Variants in IGF2R observed in about 807,000 individuals in gnomAD.
The protein encoded by IGF2R is insulin like growth factor 2 receptor.
A neutral mutation model predicts 270.6 loss-of-function variants in IGF2R; 91 were observed. The observed-to-expected ratio is 0.34, with a 90% CI of 0.28 to 0.40. The LOEUF (loss-of-function observed/expected upper bound fraction) is 0.40. Ranked by LOEUF, IGF2R falls within the 10% of genes least tolerant of loss-of-function variation. The probability of loss-of-function intolerance (pLI) is 1.00; values close to 1 mark genes in which losing one functional copy is unlikely to be tolerated. For synonymous variants in IGF2R, 1,316 were observed against 1,258.9 expected, an observed-to-expected ratio of 1.05 and a Z score of -0.96; for missense variants, 2,805 against 3,188.3, an observed-to-expected ratio of 0.88 and a Z score of 2.90.
chr6:160,079,899 A>G, intron 38 of IGF2R, 112 bp downstream of exon 38: 2 of 1,087,180 alleles, frequency 1.8e-6, no homozygotes, highest in South Asian at 3.3e-5. Context: ...TGAGTGCTGT[A>G]ACCTTGGGCG....
intron 39 of IGF2R, 71 bp downstream of exon 39, chr6:160,080,346 G>T: frequency 7.0e-7 from 1 of 1,430,454 alleles, no homozygotes; most frequent in Non-Finnish European, 9.6e-7. Context: ...TTCACACTGA[G>T]ACCTTTGTGG....
chr6:160,008,024 T>TG (rs1173219219), intron 2 of IGF2R, among the ~76,000 whole-genome samples: 1 of 152,176 alleles, frequency 6.6e-6, no homozygotes, highest in Non-Finnish European at 1.5e-5. Flanking sequence ...TAATTATCTT[T>TG]GGCCACCTAA....
rs1205747938 is a variant in IGF2R, at chr6:160,105,810, A to G, written c.*726A>G. 3 of 152,524 alleles carry G rather than the reference A, an allele frequency of 2.0e-5. No homozygotes were observed. Among genetic ancestry groups the G allele is most frequent in the Non-Finnish European group, 2.9e-5 (2 of 68,060 alleles). 9.4% of individuals were successfully genotyped at this position (152,524 alleles called of 1,614,324 possible). ...GTCAGGAATGGCTGCACCTTTTTGCATGATATCTTCAAGCCTGGGCGTACA... is the reference window on the plus strand; with the variant it reads ...GTCAGGAATGGCTGCACCTTTTTGCGTGATATCTTCAAGCCTGGGCGTACA... On this transcript the variant is annotated 3_prime_UTR_variant, in exon 48 of 48. Coordinates refer to ENST00000356956, the MANE Select transcript of IGF2R (RefSeq NM_000876.4).
At chr6:160,077,872 G>A (rs1232454371) in intron 36 of IGF2R, among the ~76,000 whole-genome samples, 1 of 152,218 alleles carries the variant, frequency 6.6e-6, no homozygotes, top group African/African-American at 2.4e-5. Flanking sequence ...GTGAGGCAGG[G>A]TCTCAGTTTC....
In IGF2R at chr6:160,040,677, C is replaced by T; in HGVS notation, c.1433C>T (p.Thr478Ile). The T allele has an allele frequency of 6.2e-7, 1 of 1,614,204 alleles. No individual in the cohort carries two copies. The highest frequency in any genetic ancestry group is 8.5e-7 in the Non-Finnish European group (1 of 1,180,042). The part of the protein sequence containing the change: ...KEKEDLLCGA[T>I]DGKKRYDLSA... ...AAGGAAGACCTCCTCTGCGGTGCCA[C>T]CGACGGGAAGAAGCGCTATGACCTG... Residue 478 changes from threonine to isoleucine, a missense_variant, in exon 11 of 48, where the codon ACC becomes ATC. This residue lies in a region of IGF2R where 954 missense variants were observed against 981.1 expected (regional missense o/e 0.97). Coordinates refer to ENST00000356956, the MANE Select transcript of IGF2R (RefSeq NM_000876.4).
rs145156052 is a variant in IGF2R, at chr6:160,019,172, A to G, written c.514-5400A>G. Among the ~76,000 whole-genome samples the G allele has an allele frequency of 4.1e-3, 618 of 152,312 alleles. 4 individuals carry two copies. Among genetic ancestry groups the G allele is most frequent in the African/African-American group, 0.014 (572 of 41,586 alleles). On this transcript the variant is annotated intron_variant, in intron 4 of 47. Coordinates refer to ENST00000356956, the MANE Select transcript of IGF2R (RefSeq NM_000876.4). ...TTCTGTGAACATCTGTGTACTCACA[A>G]CTGAGAAAATTTAGAGGAAATGTGT...
At chr6:160,072,600 C>G (rs1427009748) in intron 32 of IGF2R, among the ~76,000 whole-genome samples, 165 bp from the exon 33 acceptor site, 2 of 152,204 alleles carry the variant, frequency 1.3e-5, no homozygotes, top group Non-Finnish European at 2.9e-5. Context: ...GACTGACAGT[C>G]TCATGATACA....
In IGF2R at chr6:160,096,526, G is replaced by T; in HGVS notation, c.6743G>T (p.Cys2248Phe). 6.2e-7 allele frequency: 1 copy of T among 1,614,110 alleles called. No homozygotes were observed. Among genetic ancestry groups the T allele is most frequent in the Non-Finnish European group, 8.5e-7 (1 of 1,179,988 alleles). The change falls in exon 45 of 48, where the codon TGT (cysteine) becomes TTT (phenylalanine). Residue 2248 changes from cysteine (C) to phenylalanine (F), a missense_variant. By Grantham distance (205) the Cys-to-Phe change is radical. Coordinates refer to ENST00000356956, the MANE Select transcript of IGF2R (RefSeq NM_000876.4). ...KSVSSTIFFH[C>F]DPLVEDGIPE... ...GTTTCTTCCACCATCTTCTTCCACT[G>T]TGACCCTCTGGTGGAGGACGGGATC...
chr6:160,061,733 C>T lies in IGF2R; in HGVS notation c.3407-20C>T, dbSNP rs1008751780. ...GTCATCGCCTTCCTCATGCCCAAACCACTTATTCTGTTCTTCCAGGCAGCG... is the reference window on the plus strand; with the variant it reads ...GTCATCGCCTTCCTCATGCCCAAACTACTTATTCTGTTCTTCCAGGCAGCG... On this transcript the variant is annotated intron_variant, in intron 24 of 47. Transcript: ENST00000356956. The T allele has an allele frequency of 4.9e-5, 79 of 1,613,990 alleles. No homozygotes were observed. The highest frequency in any genetic ancestry group is 6.7e-5 in the Non-Finnish European group (79 of 1,179,918).
chr6:160,087,009 G>A (rs1447099081), intron 41 of IGF2R, among the ~76,000 whole-genome samples: 1 of 152,064 alleles, frequency 6.6e-6, no homozygotes, highest in Admixed American at 6.5e-5. Context: ...GCAGCCACAA[G>A]CAGCCTCTTG....
Position 160,080,284 on chromosome 6 carries a change from G to T in IGF2R, c.5833+9G>T. The T allele has an allele frequency of 6.2e-7, 1 of 1,612,244 alleles. No homozygotes were observed. The highest frequency in any genetic ancestry group is 8.5e-7 in the Non-Finnish European group (1 of 1,178,958). The stretch of plus-strand genomic sequence containing the variant: ...GGGCTTCTGCAGACACTGTGAGTAG[G>T]ACGGCTCCGCGTCCCCACATGGCCT... On this transcript the variant is annotated intron_variant, in intron 39 of 47. Transcript: ENST00000356956.
At chr6:159,982,045 T>C (rs2115174633) in intron 1 of IGF2R, among the ~76,000 whole-genome samples, 1 of 152,356 alleles carries the variant, frequency 6.6e-6, no homozygotes, top group East Asian at 1.9e-4. Flanking sequence ...GCTCTGGCCA[T>C]GCTGTGTCAA....
intron 10 of IGF2R, among the ~76,000 whole-genome samples, chr6:160,040,192 A>C (rs1777913372): frequency 6.6e-6 from 1 of 152,092 alleles, no homozygotes; most frequent in South Asian, 2.1e-4. Context: ...CCCCAGTGTC[A>C]CCCAGAGATG....
chr6:160,080,402 T>A, intron 39 of IGF2R, 127 bp downstream of exon 39: 1 of 944,352 alleles, frequency 1.1e-6, no homozygotes, highest in Non-Finnish European at 1.5e-6. Context: ...AATATTTTCT[T>A]ACTCGGGCTG....
intron 44 of IGF2R, chr6:160,093,548 C>T: frequency 1.6e-6 from 1 of 636,052 alleles, no homozygotes; most frequent in Admixed American, 2.2e-5. Flanking sequence ...AAGGAGAGAA[C>T]AGGACGATTT....
chr6:160,071,281 G>T (rs1189453881), intron 31 of IGF2R, among the ~76,000 whole-genome samples: 1 of 120,342 alleles, frequency 8.3e-6, no homozygotes, highest in African/African-American at 3.5e-5. Context: ...TGGGAGGGAA[G>T]GGTGGGGGTG....
At chr6:160,099,965 G>A (rs991963547) in intron 45 of IGF2R, among the ~76,000 whole-genome samples, 1 of 152,202 alleles carries the variant, frequency 6.6e-6, no homozygotes, top group Non-Finnish European at 1.5e-5. Context: ...TCCTGTCTTA[G>A]TATGCATGCC....
chr6:160,032,934 G>A lies in IGF2R; in HGVS notation c.1046-8G>A. 2 of 1,583,490 alleles carry A rather than the reference G, an allele frequency of 1.3e-6. No individual in the cohort carries two copies. Among genetic ancestry groups the A allele is most frequent in the African/African-American group, 1.3e-5 (1 of 74,202 alleles). ...CAAGCCTCTTCTTGTTAATTTCCCT[G>A]TTTTTAGGTTCATCCTATATTTCAG... On this transcript the variant is annotated splice_polypyrimidine_tract_variant and splice_region_variant and intron_variant, in intron 8 of 47. Coordinates refer to ENST00000356956, the MANE Select transcript of IGF2R (RefSeq NM_000876.4).
intron 1 of IGF2R, among the ~76,000 whole-genome samples, chr6:159,977,522 C>T (rs1309586019): frequency 2.0e-5 from 3 of 152,240 alleles, no homozygotes; most frequent in Non-Finnish European, 2.9e-5. Flanking sequence ...TGCTAAACCC[C>T]TGTTGATTGC....
Sources: allele counts gnomAD v4.1 joint callset (sites outside exome capture counted in the v4.1 genomes callset), GRCh38; gene constraint gnomAD v4.1.1; regional missense constraint gnomAD v4.1.1; transcripts MANE v1.5; gene names NCBI Gene and HGNC (gene_info 2026-07-23, HGNC 2026-07-21).